USB1: variants seen among roughly 807,000 people sequenced by gnomAD.
USB1 encodes U6 snRNA biogenesis phosphodiesterase 1, also known as U6 snRNA phosphodiesterase 1.
Under a neutral mutation model 29.9 loss-of-function variants are expected in USB1, and 21 were observed. The ratio of observed to expected loss-of-function variants is 0.70; its 90% CI spans 0.50 to 1.01. USB1 has a LOEUF of 1.01. Ranked by LOEUF, USB1 falls within the 50% of genes least tolerant of loss-of-function variation. The pLI is 0.00. For missense variants in USB1, 330 were observed against 347.1 expected (o/e 0.95, Z 0.39); for synonymous variants, 143 against 134.9 (o/e 1.06, Z -0.42).
chr16:58,005,497 C>T (rs936032083), intron 2 of USB1, among the ~76,000 whole-genome samples: 5 of 152,226 alleles, frequency 3.3e-5, no homozygotes, highest in African/African-American at 1.2e-4. Context: ...GGTCACTTCT[C>T]ACTATGTCCC....
chr16:58,000,636 G>A (rs1963155007), upstream of USB1, among the ~76,000 whole-genome samples: 2 of 149,704 alleles, frequency 1.3e-5, no homozygotes, highest in African/African-American at 2.4e-5. The surrounding 1 kb of genome is among the most constrained non-coding windows in gnomAD (Gnocchi z 4.5). Context: ...GCGCCGGGAG[G>A]GCGGGCGGAC....
rs1468984853 is a variant in USB1, at chr16:58,017,421, C to G, written c.591C>G (p.Asn197Lys). 3.1e-6 allele frequency: 5 copies of G among 1,614,040 alleles called. No individual in the cohort carries two copies. In the South Asian group the frequency reaches 5.5e-5, roughly 18 times the overall value. The change falls in exon 5 of 7, where the codon AAC becomes AAG. Residue 197 changes from asparagine (N) to lysine (K), a missense_variant. Physicochemically the swap from Asn to Lys is moderately conservative, Grantham distance 94 (BLOSUM62 0). Transcript: ENST00000219281. ...SEVDRVMEEF[N>K]LTTFYQDPSF... is the part of the protein sequence containing the mutation. ...TGGACAGAGTCATGGAGGAATTCAA[C>G]CTCACCACTTTCTACCAGGTAATGA...
chr16:58,010,083 T>C lies in USB1; in HGVS notation c.420T>C (p.Ala140=). The C allele has an allele frequency of 1.2e-6, 2 of 1,614,146 alleles. No individual in the cohort carries two copies. Among genetic ancestry groups the C allele is most frequent in the Non-Finnish European group, 1.7e-6 (2 of 1,180,016 alleles). The change falls in exon 3 of 7, where the codon GCT becomes GCC. Residue 140 remains alanine, a synonymous_variant. Coordinates refer to ENST00000219281, the MANE Select transcript of USB1 (RefSeq NM_024598.4). Reference sequence around the variant, plus strand: ...ACTGGATCCTCCCCTTCGTGCAGGCTCTGAAAGCCCGTATGACCTCCTTCC... The same window carrying C: ...ACTGGATCCTCCCCTTCGTGCAGGCCCTGAAAGCCCGTATGACCTCCTTCC... ...RHHWILPFVQ[A]LKARMTSFHR...
chr16:58,003,132 G>C (rs1963270073), intron 2 of USB1, among the ~76,000 whole-genome samples: 1 of 152,180 alleles, frequency 6.6e-6, no homozygotes, highest in African/African-American at 2.4e-5. Context: ...ATCTAAAATG[G>C]GGGTAGCACT....
intron 2 of USB1, among the ~76,000 whole-genome samples, chr16:58,006,441 C>A (rs1330166779): frequency 6.7e-6 from 1 of 149,710 alleles, no homozygotes. Context: ...GGGCAGATCA[C>A]AAGGTCAGGA....
intron 1 of USB1, 82 bp downstream of exon 1, chr16:58,001,663 G>C: frequency 6.8e-7 from 1 of 1,475,804 alleles, no homozygotes; most frequent in Non-Finnish European, 9.3e-7. Context: ...GGGGTGGAGT[G>C]GGGAGGGAGG....
intron 2 of USB1, among the ~76,000 whole-genome samples, chr16:58,006,229 G>A (rs1003624544): frequency 2.0e-5 from 3 of 151,814 alleles, no homozygotes; most frequent in Admixed American, 2.0e-4. Flanking sequence ...GGACATGCCT[G>A]TAGTCCCAGC....
Position 58,007,190 on chromosome 16 carries a change from T to C in USB1, c.266-2739T>C, listed in dbSNP as rs535664583. ...CTGTAGTTTTCTTGTAATGTCTTTT[T>C]CTGGTATTGGTATGAGGATAATGCT... On this transcript the variant is annotated intron_variant, in intron 2 of 6. Coordinates refer to ENST00000219281, the MANE Select transcript of USB1 (RefSeq NM_024598.4). Among the ~76,000 whole-genome samples, 7 of 152,342 alleles carry C rather than the reference T, an allele frequency of 4.6e-5. No individual in the cohort carries two copies. In the South Asian group the frequency reaches 1.4e-3, roughly 32 times the overall value.
At chr16:58,018,881 G>T in intron 5 of USB1, 91 bp from the exon 6 acceptor site, 1 of 1,281,872 alleles carries the variant, frequency 7.8e-7, no homozygotes, top group Non-Finnish European at 1.1e-6. Flanking sequence ...ATCCAGCAGG[G>T]ATGTCACGAC....
intron 3 of USB1, 132 bp from the exon 4 acceptor site, chr16:58,014,141 A>G: frequency 1.3e-6 from 1 of 748,366 alleles, no homozygotes; most frequent in South Asian, 1.6e-5. Context: ...TACCACCTGC[A>G]TAATGGGGTG....
At chr16:58,000,613 G>A (rs1963153830), upstream of USB1, among the ~76,000 whole-genome samples, 1 of 149,760 alleles carries the variant, frequency 6.7e-6, no homozygotes, top group African/African-American at 2.4e-5. This position sits in a 1 kb window ranked among gnomAD's most constrained non-coding sequence, Gnocchi z 4.5. Context: ...GAGTAGCGGG[G>A]CCGGGGCGAG....
At chr16:58,014,111 C>G (rs1718832146) in intron 3 of USB1, 162 bp from the exon 4 acceptor site, 1 of 644,014 alleles carries the variant, frequency 1.6e-6, no homozygotes, top group South Asian at 1.9e-5. Context: ...TTGTCCAGCT[C>G]TAATGTTTAA....
intron 2 of USB1, among the ~76,000 whole-genome samples, chr16:58,003,719 T>A (rs1399779273): frequency 6.6e-6 from 1 of 152,240 alleles, no homozygotes; most frequent in Admixed American, 6.5e-5. Flanking sequence ...TTTTGTTTAT[T>A]AATATTAATC....
intron 5 of USB1, among the ~76,000 whole-genome samples, chr16:58,018,411 A>G (rs112227533): frequency 2.6e-4 from 40 of 152,062 alleles, no homozygotes; most frequent in African/African-American, 9.6e-4. Flanking sequence ...TTTAGTAGAG[A>G]CGGGGTTTCA....
At position 58,019,015 on chromosome 16, in the gene USB1, CACG is replaced by C; in HGVS notation, c.654_656del (p.Arg219del). 6.2e-7 allele frequency: 1 copy of C among 1,614,132 alleles called. No homozygotes were observed. The highest frequency in any genetic ancestry group is 8.5e-7 in the Non-Finnish European group (1 of 1,180,006). ...AGCCTGGCCTGGTGTGTGGGTGATGCACGTCTCCAGCTGGAGGGGCAGTGCCTG... is the reference window on the plus strand; with the variant it reads ...AGCCTGGCCTGGTGTGTGGGTGATGCTCTCCAGCTGGAGGGGCAGTGCCTG... On this transcript the variant is annotated inframe_deletion, in exon 6 of 7. Coordinates refer to ENST00000219281, the MANE Select transcript of USB1 (RefSeq NM_024598.4).
chr16:58,019,061 T>C lies in USB1; in HGVS notation c.693+6T>C. 1.2e-6 allele frequency: 2 copies of C among 1,613,974 alleles called. No homozygotes were observed. The highest frequency in any genetic ancestry group is 1.7e-6 in the Non-Finnish European group (2 of 1,179,958). On this transcript the variant is annotated splice_donor_region_variant and intron_variant, in intron 6 of 6. Coordinates refer to ENST00000219281, the MANE Select transcript of USB1 (RefSeq NM_024598.4). Reference sequence around the variant, plus strand: ...AGTGCCTGCAGGAACTACAGGTGAATTTCCAGGGCGGGAGCACAGAGGGCG... The same window carrying C: ...AGTGCCTGCAGGAACTACAGGTGAACTTCCAGGGCGGGAGCACAGAGGGCG...
intron 3 of USB1, chr16:58,010,760 G>C (rs183837780): frequency 5.8e-6 from 3 of 514,740 alleles, no homozygotes; most frequent in Non-Finnish European, 1.1e-5. Context: ...GGTAGGGTGA[G>C]GTCTGGAAGG....
Position 58,009,953 on chromosome 16 carries a change from A to T in USB1, c.290A>T (p.Asp97Val), listed in dbSNP as rs759598117. 6.2e-7 allele frequency: 1 copy of T among 1,613,654 alleles called. No homozygotes were observed. Among genetic ancestry groups the T allele is most frequent in the Admixed American group, 1.7e-5 (1 of 59,968 alleles). The stretch of plus-strand genomic sequence containing the variant: ...GATGAAGCCAAGGAGGAGTTCCTGG[A>T]TCTGCTTGATGTGTTGCTGCCCCAT... ...VPYEAKEEFLDLLDVLLPHAQ... is the reference protein window; with the variant it reads ...VPYEAKEEFLVLLDVLLPHAQ... Residue 97 changes from aspartate to valine, a missense_variant, in exon 3 of 7, where the codon GAT (aspartate) becomes GTT (valine). Asp to Val is a radical substitution (Grantham distance 152). Coordinates refer to ENST00000219281, the MANE Select transcript of USB1 (RefSeq NM_024598.4).
chr16:58,016,937 T>C (rs1239143698), intron 4 of USB1: 1 of 308,766 alleles, frequency 3.2e-6, no homozygotes, highest in East Asian at 8.1e-5. Context: ...TGAGTGCTTG[T>C]GGGAGGCGTG....
Sources: allele counts gnomAD v4.1 joint callset (sites outside exome capture counted in the v4.1 genomes callset), GRCh38; gene constraint gnomAD v4.1.1; non-coding constraint Gnocchi (gnomAD v3.1); transcripts MANE v1.5; gene names NCBI Gene and HGNC (gene_info 2026-07-23, HGNC 2026-07-21).